CABCOCO1: variants seen among roughly 807,000 people sequenced by gnomAD.
CABCOCO1 encodes the protein ciliary associated calcium binding coiled-coil 1, also known as ciliary-associated calcium-binding coiled-coil protein 1.
In CABCOCO1, 28 loss-of-function variants were observed where a neutral mutation model predicts 35.7. The observed-to-expected ratio is 0.78, with a 90% CI of 0.58 to 1.07. The LOEUF is 1.07. CABCOCO1 is among the 50% of genes least tolerant of loss of function. The pLI is 0.00. For missense variants in CABCOCO1, 326 were observed against 309.2 expected (o/e 1.05, Z -0.41); for synonymous variants, 95 against 100.1 (o/e 0.95, Z 0.30).
chr10:61,685,569 C>T (rs1056971753), intron 3 of CABCOCO1, among the ~76,000 whole-genome samples: 15 of 151,994 alleles, frequency 9.9e-5, no homozygotes, highest in African/African-American at 3.6e-4. Flanking sequence ...GCAGGGTCAG[C>T]GCTATTCCTG....
chr10:61,700,761 T>A (rs1482062792), intron 5 of CABCOCO1, among the ~76,000 whole-genome samples: 1 of 152,102 alleles, frequency 6.6e-6, no homozygotes, highest in Non-Finnish European at 1.5e-5. Flanking sequence ...AGAAGAAGTT[T>A]AAAATTCTTA....
Position 61,709,533 on chromosome 10 carries a change from C to A in CABCOCO1, c.552+18912C>A, listed in dbSNP as rs570457197. Among the ~76,000 whole-genome samples the A allele has an allele frequency of 9.3e-4, 141 of 152,066 alleles. 1 individual carries two copies. Among genetic ancestry groups the A allele is most frequent in the Non-Finnish European group, 1.7e-3 (113 of 67,946 alleles). ...TCACAGTAAGTGCCTAGTGCCTTCA[C>A]ACAAATTCACAAAATCAGTGCCTTT... is the stretch of plus-strand genomic sequence containing the variant. On this transcript the variant is annotated intron_variant, in intron 5 of 7. Transcript: ENST00000648843.
chr10:61,715,674 T>C (rs1840846653), intron 5 of CABCOCO1, among the ~76,000 whole-genome samples: 1 of 152,212 alleles, frequency 6.6e-6, no homozygotes, highest in Non-Finnish European at 1.5e-5. Context: ...CCATGTTTAG[T>C]GCTTCCTTCA....
Position 61,684,054 on chromosome 10 carries a change from T to A in CABCOCO1, c.335-1987T>A, listed in dbSNP as rs532108297. 5.6e-4 allele frequency among the ~76,000 whole-genome samples: 86 copies of A among 152,292 alleles called. 1 individual carries two copies. Among genetic ancestry groups the A allele is most frequent in the East Asian group, 7.7e-4 (4 of 5,186 alleles). Reference sequence around the variant, plus strand: ...TCCATTCATTTATGAATTGCTTTTATCCAACAGATTTTTCATTTCTGAAGC... The same window carrying A: ...TCCATTCATTTATGAATTGCTTTTAACCAACAGATTTTTCATTTCTGAAGC... On this transcript the variant is annotated intron_variant, in intron 3 of 7. Transcript: ENST00000648843.
intron 5 of CABCOCO1, among the ~76,000 whole-genome samples, chr10:61,730,807 C>T (rs1270778344): frequency 1.3e-5 from 2 of 151,738 alleles, no homozygotes; most frequent in African/African-American, 4.8e-5. Context: ...AGAAAAACAA[C>T]ATGAATTCTG....
At chr10:61,677,826 T>G (rs1295413560) in intron 2 of CABCOCO1, among the ~76,000 whole-genome samples, 4 of 145,278 alleles carry the variant, frequency 2.8e-5, no homozygotes, top group Non-Finnish European at 6.0e-5. Flanking sequence ...TTTTTTTTTT[T>G]TTTTTTTTTT....
intron 5 of CABCOCO1, among the ~76,000 whole-genome samples, chr10:61,718,688 A>C (rs1022429901): frequency 2.0e-5 from 3 of 152,182 alleles, no homozygotes; most frequent in African/African-American, 7.2e-5. Flanking sequence ...TAGACAGTTC[A>C]CTGGAAAAAG....
At chr10:61,725,797 C>T (rs1201023172) in intron 5 of CABCOCO1, among the ~76,000 whole-genome samples, 2 of 151,758 alleles carry the variant, frequency 1.3e-5, no homozygotes, top group African/African-American at 4.8e-5. Flanking sequence ...TATACTTCTG[C>T]ATGTATTGAC....
At chr10:61,714,705 C>A (rs980270696) in intron 5 of CABCOCO1, among the ~76,000 whole-genome samples, 2 of 151,990 alleles carry the variant, frequency 1.3e-5, no homozygotes, top group African/African-American at 4.8e-5. Flanking sequence ...GATTCTGGTA[C>A]GTTGTGTCTT....
chr10:61,692,483 C>A (rs1387312874), intron 5 of CABCOCO1, among the ~76,000 whole-genome samples: 1 of 152,048 alleles, frequency 6.6e-6, no homozygotes, highest in Non-Finnish European at 1.5e-5. Flanking sequence ...CCTAGAAGTA[C>A]CAGGGACAGG....
At chr10:61,680,503 A>ATTATGTTATATATAACATATTATATG (rs1839699804) in intron 2 of CABCOCO1, among the ~76,000 whole-genome samples, 2 of 137,102 alleles carry the variant, frequency 1.5e-5, no homozygotes, top group Non-Finnish European at 3.1e-5. Flanking sequence ...TATATGTTAT[A>ATTATGTTATATATAACATATTATATG]TTATGTTATA....
chr10:61,668,956 A>G (rs1320721365), intron 1 of CABCOCO1, among the ~76,000 whole-genome samples: 2 of 147,624 alleles, frequency 1.4e-5, no homozygotes, highest in Non-Finnish European at 3.0e-5. Flanking sequence ...CTTTTGCTTC[A>G]GCTCCAATAT....
intron 1 of CABCOCO1, among the ~76,000 whole-genome samples, chr10:61,663,582 A>T (rs1458561586): frequency 6.6e-6 from 1 of 151,860 alleles, no homozygotes; most frequent in Non-Finnish European, 1.5e-5. Context: ...CTAAACAAAT[A>T]AATACAGGTG....
intron 5 of CABCOCO1, among the ~76,000 whole-genome samples, chr10:61,726,701 T>C (rs1841158835): frequency 6.6e-6 from 1 of 152,014 alleles, no homozygotes; most frequent in Admixed American, 6.6e-5. Context: ...GAATCATATA[T>C]GATGGCCCAG....
chr10:61,700,314 G>T (rs1431676588), intron 5 of CABCOCO1, among the ~76,000 whole-genome samples: 1 of 151,844 alleles, frequency 6.6e-6, no homozygotes, highest in East Asian at 1.9e-4. Flanking sequence ...GACAGAAAAG[G>T]CATAATAGTC....
intron 5 of CABCOCO1, chr10:61,701,876 T>C: frequency 1.1e-6 from 1 of 876,358 alleles, no homozygotes; most frequent in Non-Finnish European, 1.4e-6. Context: ...ACTAGCAAGA[T>C]AAAGAAGAGA....
At chr10:61,723,698 T>G (rs1314665795) in intron 5 of CABCOCO1, among the ~76,000 whole-genome samples, 1 of 152,174 alleles carries the variant, frequency 6.6e-6, no homozygotes, top group African/African-American at 2.4e-5. Flanking sequence ...GAGCTAGCTC[T>G]CTAGTGTCTC....
intron 5 of CABCOCO1, among the ~76,000 whole-genome samples, chr10:61,717,692 A>C (rs1364520619): frequency 6.6e-6 from 1 of 152,194 alleles, no homozygotes; most frequent in Admixed American, 6.5e-5. Flanking sequence ...ATTAACAGGA[A>C]AGCTTTAGTT....
At chr10:61,735,081 C>T (rs1589147174) in intron 5 of CABCOCO1, among the ~76,000 whole-genome samples, 1 of 151,852 alleles carries the variant, frequency 6.6e-6, no homozygotes, top group Admixed American at 6.6e-5. Flanking sequence ...CATTAATGAG[C>T]GAAGGTGATA....
Sources: allele counts gnomAD v4.1 joint callset (sites outside exome capture counted in the v4.1 genomes callset), GRCh38; gene constraint gnomAD v4.1.1; transcripts MANE v1.5; gene names NCBI Gene and HGNC (gene_info 2026-07-23, HGNC 2026-07-21).